CDH4: variants seen among roughly 807,000 people sequenced by gnomAD.
CDH4 encodes the protein cadherin-4.
Under a neutral mutation model 86.0 loss-of-function variants are expected in CDH4, and 33 were observed. The ratio of observed to expected loss-of-function variants is 0.38; its 90% CI spans 0.29 to 0.51. The LOEUF (loss-of-function observed/expected upper bound fraction) is 0.51. Ranked by LOEUF, CDH4 falls within the 20% of genes least tolerant of loss-of-function variation. The probability of loss-of-function intolerance (pLI) is 0.86; values close to 1 mark genes in which losing one functional copy is unlikely to be tolerated. For missense variants in CDH4, 1,114 were observed against 1,307.4 expected (o/e 0.85, Z 2.28); for synonymous variants, 555 against 549.4 (o/e 1.01, Z -0.14).
chr20:61,384,553 A>T (rs2084941059), intron 2 of CDH4, among the ~76,000 whole-genome samples: 1 of 152,134 alleles, frequency 6.6e-6, no homozygotes, highest in South Asian at 2.1e-4. Flanking sequence ...CCAATGTCTC[A>T]GCACTTCTCA....
At chr20:61,434,446 A>T (rs2085269048) in intron 2 of CDH4, among the ~76,000 whole-genome samples, 1 of 152,118 alleles carries the variant, frequency 6.6e-6, no homozygotes, top group Admixed American at 6.5e-5. Context: ...CATTTATGAG[A>T]TAGATTGCAC....
At chr20:61,628,051 ATT>A (rs2086847478) in intron 2 of CDH4, among the ~76,000 whole-genome samples, 4 of 151,866 alleles carry the variant, frequency 2.6e-5, no homozygotes, top group Admixed American at 2.6e-4. Flanking sequence ...TGGCCCAGCC[ATT>A]CTCCCGTGTG....
chr20:61,413,822 G>A (rs1398633676), intron 2 of CDH4, among the ~76,000 whole-genome samples: 1 of 152,210 alleles, frequency 6.6e-6, no homozygotes, highest in Non-Finnish European at 1.5e-5. Flanking sequence ...CCCAAGGGCA[G>A]CACTTAGTAG....
At chr20:61,794,419 C>T (rs1010404898) in intron 4 of CDH4, among the ~76,000 whole-genome samples, 44 of 152,176 alleles carry the variant, frequency 2.9e-4, no homozygotes, top group Middle Eastern at 3.2e-3. Context: ...GTGTTGAGGT[C>T]CTGGGGTGCT....
intron 2 of CDH4, among the ~76,000 whole-genome samples, chr20:61,554,909 A>T (rs2086165005): frequency 6.6e-6 from 1 of 152,256 alleles, no homozygotes; most frequent in South Asian, 2.1e-4. Flanking sequence ...GTGTGCAGAC[A>T]TGTACATGTG....
At chr20:61,447,624 CTTTTTTTTTT>C (rs11204461) in intron 2 of CDH4, among the ~76,000 whole-genome samples, 1 of 102,036 alleles carries the variant, frequency 9.8e-6, no homozygotes, top group Non-Finnish European at 1.9e-5. Context: ...ATTCTACTTC[CTTTTTTTTTT>C]TTTTTTTTTT....
intron 2 of CDH4, among the ~76,000 whole-genome samples, chr20:61,309,770 A>G (rs914110808): frequency 8.9e-6 from 1 of 112,914 alleles, no homozygotes; most frequent in Admixed American, 1.0e-4. Flanking sequence ...TCATGAACAT[A>G]TAGCAAGTGC....
At chr20:61,825,365 G>A (rs1174809257) in intron 4 of CDH4, among the ~76,000 whole-genome samples, 1 of 152,078 alleles carries the variant, frequency 6.6e-6, no homozygotes, top group Admixed American at 6.6e-5. Context: ...TCATGACAGT[G>A]CACTCCAGCC....
At chr20:61,857,750 C>CCCTT (rs372944770) in intron 6 of CDH4, among the ~76,000 whole-genome samples, 7 of 152,396 alleles carry the variant, frequency 4.6e-5, no homozygotes, top group African/African-American at 1.4e-4. Flanking sequence ...ATCCTGTAAG[C>CCCTT]CCTTCAGCCA....
At chr20:61,833,633 A>G (rs1254404150) in intron 4 of CDH4, among the ~76,000 whole-genome samples, 5 of 152,062 alleles carry the variant, frequency 3.3e-5, no homozygotes, top group Non-Finnish European at 5.9e-5. Flanking sequence ...CTCAGCCTTC[A>G]TTACTGACTG....
At chr20:61,758,995 G>A (rs1227248237) in intron 3 of CDH4, among the ~76,000 whole-genome samples, 3 of 152,238 alleles carry the variant, frequency 2.0e-5, no homozygotes, top group Non-Finnish European at 4.4e-5. Context: ...GGGTGTGCAC[G>A]TGTATGCCCA....
chr20:61,645,629 CAA>C (rs11373021), intron 2 of CDH4, among the ~76,000 whole-genome samples: 54,179 of 142,092 alleles, frequency 0.38, 10,050 homozygotes, highest in Middle Eastern at 0.49. Flanking sequence ...GACCCTGTCT[CAA>C]AAAAAAAAAA....
At position 61,699,863 on chromosome 20, in the gene CDH4, G is replaced by T. The variant is rs2087756338; in HGVS notation, c.170-43700G>T. On this transcript the variant is annotated intron_variant, in intron 2 of 15. Coordinates refer to ENST00000614565, the MANE Select transcript of CDH4 (RefSeq NM_001794.5). ...CTGTAAGAACATCTTCACTTCCAAG[G>T]GCTCAGCTGCATGGGCTGGCAATGG... Among the ~76,000 whole-genome samples the T allele has an allele frequency of 2.0e-5, 3 of 152,182 alleles. No individual in the cohort carries two copies. The South Asian group carries it at 6.2e-4, about 32-fold the overall frequency.
chr20:61,384,849 G>A (rs565669680), intron 2 of CDH4, among the ~76,000 whole-genome samples: 1 of 152,086 alleles, frequency 6.6e-6, no homozygotes, highest in Admixed American at 6.5e-5. Flanking sequence ...ATAAGCATAG[G>A]TATTTCAGAC....
intron 2 of CDH4, among the ~76,000 whole-genome samples, chr20:61,672,177 G>GTGGGTATATGGATAATGGA (rs2087397689): frequency 6.6e-6 from 1 of 151,576 alleles, no homozygotes; most frequent in Non-Finnish European, 1.5e-5. Context: ...AGATGAATGG[G>GTGGGTATATGGATAATGGA]TGGGTATATG....
At chr20:61,830,827 G>A (rs779185646) in intron 4 of CDH4, among the ~76,000 whole-genome samples, 4 of 152,224 alleles carry the variant, frequency 2.6e-5, no homozygotes, top group African/African-American at 7.2e-5. Flanking sequence ...TTGGTCGCAC[G>A]TGCTGAGTCT....
At chr20:61,350,722 C>T (rs373635601) in intron 2 of CDH4, among the ~76,000 whole-genome samples, 2 of 145,806 alleles carry the variant, frequency 1.4e-5, no homozygotes, top group South Asian at 4.4e-4. Flanking sequence ...GGCCCCCCCC[C>T]AGTGCTAACT....
chr20:61,539,047 G>A (rs2086019496), intron 2 of CDH4, among the ~76,000 whole-genome samples: 1 of 152,196 alleles, frequency 6.6e-6, no homozygotes, highest in African/African-American at 2.4e-5. Flanking sequence ...GGATCCCAGG[G>A]TTTGGGATCC....
chr20:61,734,371 C>T (rs555693772), intron 2 of CDH4, among the ~76,000 whole-genome samples: 9 of 152,324 alleles, frequency 5.9e-5, no homozygotes, highest in East Asian at 1.9e-4. Context: ...TTCCCAGGCT[C>T]GGAACGGGGA....
Sources: allele counts gnomAD v4.1 joint callset (sites outside exome capture counted in the v4.1 genomes callset), GRCh38; gene constraint gnomAD v4.1.1; transcripts MANE v1.5; gene names NCBI Gene and HGNC (gene_info 2026-07-23, HGNC 2026-07-21).